LMAN1: variants seen among roughly 807,000 people sequenced by gnomAD.
LMAN1 encodes lectin, mannose binding 1, also known as protein ERGIC-53.
LMAN1 carries 32 observed loss-of-function variants against 67.8 expected under a neutral mutation model. The ratio of observed to expected loss-of-function variants is 0.47; its 90% CI spans 0.36 to 0.63. The LOEUF is 0.63. Ranked by LOEUF, LMAN1 falls within the 30% of genes least tolerant of loss-of-function variation. The probability of loss-of-function intolerance (pLI) is 0.00; values close to 1 mark genes in which losing one functional copy is unlikely to be tolerated. For synonymous variants in LMAN1, 235 were observed against 219.3 expected (o/e 1.07, Z -0.63); for missense variants, 632 against 628.2 (o/e 1.01, Z -0.06).
At chr18:59,348,884 T>C (rs1349359332) in intron 6 of LMAN1, among the ~76,000 whole-genome samples, 1 of 152,260 alleles carries the variant, frequency 6.6e-6, no homozygotes, top group African/African-American at 2.4e-5. Context: ...AAACTGATGC[T>C]GTAATTGACA....
chr18:59,353,182 T>C lies in LMAN1; in HGVS notation c.639+20A>G, dbSNP rs1265901322. Reference sequence around the variant, plus strand: ...CTGTAACATTGTTTATTTGATTCTCTCTAAATAGATGTTACTTACTGTCAG... The same window carrying C: ...CTGTAACATTGTTTATTTGATTCTCCCTAAATAGATGTTACTTACTGTCAG... On this transcript the variant is annotated intron_variant, in intron 5 of 12. Coordinates refer to ENST00000251047, the MANE Select transcript of LMAN1 (RefSeq NM_005570.4). 1 of 1,556,414 alleles carries C rather than the reference T, an allele frequency of 6.4e-7. No individual in the cohort carries two copies. The highest frequency in any genetic ancestry group is 1.1e-5 in the South Asian group (1 of 89,920).
chr18:59,334,582 G>T (rs1311347943), intron 10 of LMAN1, among the ~76,000 whole-genome samples: 1 of 152,162 alleles, frequency 6.6e-6, no homozygotes, highest in Non-Finnish European at 1.5e-5. Flanking sequence ...TTTAAGGGAC[G>T]ATGGAAGGAG....
chr18:59,349,001 CCAAA>C (rs1388071221), intron 6 of LMAN1, 108 bp downstream of exon 6: 85 of 1,289,966 alleles, frequency 6.6e-5, no homozygotes, highest in East Asian at 9.3e-5. Context: ...TGGGAAAGTT[CCAAA>C]CAGTCTTAAA....
chr18:59,347,685 T>A (rs1486989026), intron 6 of LMAN1, 114 bp from the exon 7 acceptor site: 2 of 793,436 alleles, frequency 2.5e-6, no homozygotes, highest in African/African-American at 3.5e-5. Flanking sequence ...AGTGAGGGAA[T>A]TGACAAAAAT....
At chr18:59,347,831 T>C (rs1308740940) in intron 6 of LMAN1, among the ~76,000 whole-genome samples, 3 of 152,206 alleles carry the variant, frequency 2.0e-5, no homozygotes, top group African/African-American at 4.8e-5. Flanking sequence ...GTTTAACATA[T>C]AATAGATGTT....
intron 11 of LMAN1, 46 bp downstream of exon 11, chr18:59,333,045 C>T: frequency 2.0e-6 from 3 of 1,518,080 alleles, no homozygotes; most frequent in Non-Finnish European, 2.7e-6. Context: ...TGAGTTCTTC[C>T]TTTCCTAAAG....
intron 10 of LMAN1, 25 bp downstream of exon 10, chr18:59,338,532 A>C (rs775562759): frequency 3.8e-6 from 6 of 1,596,712 alleles, no homozygotes; most frequent in Non-Finnish European, 5.1e-6. Context: ...CACATAACAC[A>C]CAAACGCTAC....
chr18:59,344,676 T>C (rs1364481641), intron 8 of LMAN1, among the ~76,000 whole-genome samples: 1 of 151,980 alleles, frequency 6.6e-6, no homozygotes, highest in Non-Finnish European at 1.5e-5. Flanking sequence ...GGAATGAAGG[T>C]TGAAAATTAC....
At chr18:59,352,627 G>GCA (rs997909675) in intron 5 of LMAN1, 83 of 160,244 alleles carry the variant, frequency 5.2e-4, no homozygotes, top group African/African-American at 1.5e-3. Context: ...CCACTCACTC[G>GCA]CACACACACA....
At position 59,338,955 on chromosome 18, in the gene LMAN1, T is replaced by C; in HGVS notation, c.956-2A>G. On this transcript the variant is annotated splice_acceptor_variant, in intron 8 of 12. Transcript: ENST00000251047. LOFTEE classifies it high-confidence loss of function. Reference sequence around the variant, plus strand: ...CTACACTCTCAAATATTTCCTCCGCTGAAAAGGAAATAAATAAAAATGATC... The same window carrying C: ...CTACACTCTCAAATATTTCCTCCGCCGAAAAGGAAATAAATAAAAATGATC... 10 of 1,609,318 alleles carry C rather than the reference T, an allele frequency of 6.2e-6. No individual in the cohort carries two copies. Among genetic ancestry groups the C allele is most frequent in the Non-Finnish European group, 8.5e-6 (10 of 1,177,874 alleles).
At chr18:59,354,979 T>TTAGTAGAG (rs947453377) in intron 3 of LMAN1, among the ~76,000 whole-genome samples, 2 of 152,192 alleles carry the variant, frequency 1.3e-5, no homozygotes, top group Non-Finnish European at 2.9e-5. Context: ...ATGTAAGTGT[T>TTAGTAGAG]TAGTAGAGTC....
In LMAN1 at chr18:59,359,145, C is replaced by G; in HGVS notation, c.100G>C (p.Gly34Arg). The G allele has an allele frequency of 6.2e-7, 1 of 1,614,076 alleles. No homozygotes were observed. Among genetic ancestry groups the G allele is most frequent in the South Asian group, 1.1e-5 (1 of 91,086 alleles). ...GGCAACGCGACCGCGGGGTCTCCTCCCACGCCGTCGCCCCGGACGAAGCGA... is the reference window on the plus strand; with the variant it reads ...GGCAACGCGACCGCGGGGTCTCCTCGCACGCCGTCGCCCCGGACGAAGCGA... ...LGRFVRGDGV[G>R]GDPAVALPHR... Residue 34 changes from glycine to arginine, a missense_variant, in exon 1 of 13, where the codon GGA (glycine) becomes CGA (arginine). Coordinates refer to ENST00000251047, the MANE Select transcript of LMAN1 (RefSeq NM_005570.4).
At chr18:59,344,932 A>G (rs1485451485) in intron 8 of LMAN1, among the ~76,000 whole-genome samples, 7 of 152,204 alleles carry the variant, frequency 4.6e-5, no homozygotes, top group Non-Finnish European at 1.0e-4. Context: ...AAGGTTGTTG[A>G]CTTTAAGGAG....
chr18:59,331,192 G>A, intron 12 of LMAN1, 63 bp from the exon 13 acceptor site: 2 of 1,386,138 alleles, frequency 1.4e-6, no homozygotes, highest in Non-Finnish European at 2.0e-6. Context: ...GAAAGAAACA[G>A]GACTATTTAA....
At chr18:59,331,615 TA>T in intron 11 of LMAN1, 76 bp from the exon 12 acceptor site, 1 of 1,495,754 alleles carries the variant, frequency 6.7e-7, no homozygotes, top group Non-Finnish European at 9.3e-7. Context: ...GAAATCTTTA[TA>T]AAACTGTTTG....
chr18:59,349,303 T>A, intron 5 of LMAN1, 67 bp from the exon 6 acceptor site: 1 of 1,358,844 alleles, frequency 7.4e-7, no homozygotes, highest in Non-Finnish European at 1.1e-6. Context: ...AATCGATCCA[T>A]TTTATGACTA....
At chr18:59,356,600 CA>C (rs1189926138) in intron 1 of LMAN1, among the ~76,000 whole-genome samples, 1 of 152,068 alleles carries the variant, frequency 6.6e-6, no homozygotes, top group Non-Finnish European at 1.5e-5. Context: ...AAAAAGTTGA[CA>C]AAAAGGAAAG....
In LMAN1 at chr18:59,345,809, G is replaced by A. The variant is rs140657100; in HGVS notation, c.955+110C>T. The A allele has an allele frequency of 2.3e-4, 280 of 1,230,320 alleles. 4 individuals carry two copies. In the African/African-American group the frequency reaches 3.5e-3, roughly 16 times the overall value. The allele number at this position is 1,230,320 out of a possible 1,614,324, so 76.2% of individuals were successfully genotyped here. The stretch of plus-strand genomic sequence containing the variant: ...ATTGTTTCCAGAAATCACTTGGAAT[G>A]TGCCTGTTCAGAGAGCAGGGATGAG... On this transcript the variant is annotated intron_variant, in intron 8 of 12. Coordinates refer to ENST00000251047, the MANE Select transcript of LMAN1 (RefSeq NM_005570.4).
At chr18:59,350,723 C>T (rs2144228152) in intron 5 of LMAN1, among the ~76,000 whole-genome samples, 1 of 152,196 alleles carries the variant, frequency 6.6e-6, no homozygotes. Context: ...TCTTGATCTC[C>T]TGACCTCGTG....
Sources: gnomAD v4.1 joint callset for allele counts (sites outside exome capture counted in the v4.1 genomes callset) on GRCh38, gnomAD v4.1.1 for gene constraint, MANE v1.5 for transcripts, NCBI Gene and HGNC (gene_info 2026-07-23, HGNC 2026-07-21) for gene names.